UGP2: variants seen among roughly 807,000 people sequenced by gnomAD.
UGP2 encodes UTP--glucose-1-phosphate uridylyltransferase.
In UGP2, 40 loss-of-function variants were observed where a neutral mutation model predicts 49.0. The ratio of observed to expected loss-of-function variants is 0.82; its 90% CI spans 0.63 to 1.06. UGP2 has a LOEUF of 1.06. Among genes scored for constraint, UGP2 ranks in the 50% least tolerant of loss-of-function variants. The probability of loss-of-function intolerance (pLI) is 0.00; values close to 1 mark genes in which losing one functional copy is unlikely to be tolerated. For synonymous variants in UGP2, 225 were observed against 213.0 expected, an observed-to-expected ratio of 1.06 and a Z score of -0.49; for missense variants, 460 against 603.5, an observed-to-expected ratio of 0.76 and a Z score of 2.49.
chr2:63,886,619 C>T lies in UGP2; in HGVS notation c.1071+81C>T, dbSNP rs1045709406. 4.1e-6 allele frequency: 6 copies of T among 1,476,820 alleles called. No homozygotes were observed. In the Admixed American group the frequency reaches 5.6e-5, roughly 14 times the overall value. 91.5% of individuals were successfully genotyped at this position (1,476,820 alleles called of 1,614,324 possible). ...ACACACAGACCCCATCGCCCACTCC[C>T]TCTGTCCCATCTATTCCATTGGTCA... On this transcript the variant is annotated intron_variant, in intron 7 of 9. Transcript: ENST00000337130.
At chr2:63,873,661 G>A (rs1376449726) in intron 3 of UGP2, among the ~76,000 whole-genome samples, 1 of 152,116 alleles carries the variant, frequency 6.6e-6, no homozygotes, top group Admixed American at 6.5e-5. Context: ...ACAAGCAAGA[G>A]ATGTGGTATG....
chr2:63,842,232 A>C (rs1472083367), intron 1 of UGP2, 28 bp downstream of exon 1: 1 of 1,609,402 alleles, frequency 6.2e-7, no homozygotes, highest in South Asian at 1.1e-5. Flanking sequence ...TTATATCCCG[A>C]GTTGCTTCAG....
At chr2:63,871,029 T>A (rs1206469753) in intron 3 of UGP2, among the ~76,000 whole-genome samples, 1 of 152,248 alleles carries the variant, frequency 6.6e-6, no homozygotes, top group Non-Finnish European at 1.5e-5. Context: ...ATTTTTTAAA[T>A]TAAATTTTAA....
At chr2:63,862,555 T>C (rs140085541) in intron 3 of UGP2, among the ~76,000 whole-genome samples, 1 of 152,238 alleles carries the variant, frequency 6.6e-6, no homozygotes, top group Non-Finnish European at 1.5e-5. Context: ...ACTTTAGAAA[T>C]AGCAATAGCA....
chr2:63,873,637 A>G (rs1203758026), intron 3 of UGP2, among the ~76,000 whole-genome samples: 1 of 152,096 alleles, frequency 6.6e-6, no homozygotes, highest in Non-Finnish European at 1.5e-5. Flanking sequence ...TGAGAGGAAA[A>G]AGCGCAAGGC....
chr2:63,851,220 T>G (rs1669022094), intron 1 of UGP2, among the ~76,000 whole-genome samples: 1 of 152,190 alleles, frequency 6.6e-6, no homozygotes, highest in Non-Finnish European at 1.5e-5. Context: ...ATCTACAGTT[T>G]AGTTACATAC....
chr2:63,876,508 C>T (rs957248836), intron 3 of UGP2, among the ~76,000 whole-genome samples: 1 of 152,082 alleles, frequency 6.6e-6, no homozygotes, highest in African/African-American at 2.4e-5. Flanking sequence ...TTTTTCCTTT[C>T]CACAGTTATT....
chr2:63,885,082 G>A (rs1257518715), intron 5 of UGP2, among the ~76,000 whole-genome samples: 1 of 127,776 alleles, frequency 7.8e-6, no homozygotes, highest in Non-Finnish European at 1.6e-5. Flanking sequence ...GCTAGCTCCC[G>A]TTTTCCTCTT....
At chr2:63,874,068 A>G (rs1203622502) in intron 3 of UGP2, among the ~76,000 whole-genome samples, 3 of 152,234 alleles carry the variant, frequency 2.0e-5, no homozygotes, top group African/African-American at 4.8e-5. Flanking sequence ...CTAGTTAATC[A>G]TATTGACCAG....
At chr2:63,873,060 C>A (rs927810223) in intron 3 of UGP2, among the ~76,000 whole-genome samples, 1 of 152,158 alleles carries the variant, frequency 6.6e-6, no homozygotes, top group African/African-American at 2.4e-5. Context: ...CAAAGATGAC[C>A]TTATTGACTT....
intron 1 of UGP2, chr2:63,855,905 G>A (rs187024116): frequency 1.1e-4 from 26 of 226,130 alleles, no homozygotes; most frequent in African/African-American, 5.4e-4. Flanking sequence ...GTCACCTTTA[G>A]TGAGATCCAT....
At chr2:63,853,649 T>G (rs974965532) in intron 1 of UGP2, among the ~76,000 whole-genome samples, 1 of 152,170 alleles carries the variant, frequency 6.6e-6, no homozygotes, top group African/African-American at 2.4e-5. Context: ...GTACTTATTT[T>G]GTTTGCGCCA....
chr2:63,863,278 C>G (rs1311632920), intron 3 of UGP2, among the ~76,000 whole-genome samples: 2 of 152,158 alleles, frequency 1.3e-5, no homozygotes, highest in Non-Finnish European at 2.9e-5. Flanking sequence ...TTGGTACCTT[C>G]TCTTCATAGG....
chr2:63,856,184 T>TA, intron 1 of UGP2, 122 bp from the exon 2 acceptor site: 1 of 1,250,194 alleles, frequency 8.0e-7, no homozygotes, highest in Non-Finnish European at 1.1e-6. Flanking sequence ...TGCCACAGGA[T>TA]AAAGGGACCT....
intron 4 of UGP2, 71 bp downstream of exon 4, chr2:63,882,722 TA>T: frequency 1.4e-6 from 2 of 1,399,154 alleles, no homozygotes; most frequent in South Asian, 1.9e-5. Flanking sequence ...ATAAATGTTA[TA>T]AAATGTAGCA....
upstream of UGP2, chr2:63,841,044 C>G (rs1671499152): frequency 6.6e-6 from 1 of 152,586 alleles, no homozygotes; most frequent in Admixed American, 6.5e-5. Context: ...GTGTCGGGAG[C>G]CGGCTGACGG....
intron 1 of UGP2, among the ~76,000 whole-genome samples, chr2:63,845,131 T>C (rs1220836010): frequency 1.6e-4 from 25 of 152,236 alleles, no homozygotes; most frequent in Admixed American, 1.6e-3. Context: ...TTTTTGGTTG[T>C]AGTTTTTATA....
intron 3 of UGP2, among the ~76,000 whole-genome samples, chr2:63,877,032 G>T (rs1670950656): frequency 1.3e-5 from 2 of 152,216 alleles, no homozygotes; most frequent in Non-Finnish European, 1.5e-5. Context: ...CACCATCATA[G>T]AATAAGTTTT....
In UGP2 at chr2:63,886,446, T is replaced by C; in HGVS notation, c.979T>C (p.Phe327Leu). 6.2e-7 allele frequency: 1 copy of C among 1,614,160 alleles called. No homozygotes were observed. Among genetic ancestry groups the C allele is most frequent in the Non-Finnish European group, 8.5e-7 (1 of 1,180,016 alleles). ...EFKSVSKFKI[F>L]NTNNLWISLA... ...CAAGTCTGTATCAAAGTTCAAAATATTTAATACAAACAACCTATGGATTTC... is the reference window on the plus strand; with the variant it reads ...CAAGTCTGTATCAAAGTTCAAAATACTTAATACAAACAACCTATGGATTTC... Residue 327 changes from phenylalanine (F) to leucine (L), a missense_variant, in exon 7 of 10, where the codon TTT (phenylalanine) becomes CTT (leucine). Around this residue, in one of 2 missense-constraint regions of UGP2, gnomAD observed 317 missense variants for 473.0 expected, o/e 0.67. Coordinates refer to ENST00000337130, the MANE Select transcript of UGP2 (RefSeq NM_006759.4).
Sources: allele counts gnomAD v4.1 joint callset (sites outside exome capture counted in the v4.1 genomes callset), GRCh38; gene constraint gnomAD v4.1.1; regional missense constraint gnomAD v4.1.1; transcripts MANE v1.5; gene names NCBI Gene and HGNC (gene_info 2026-07-23, HGNC 2026-07-21).